The following SUPV3L1 variants were observed in gnomAD, a reference collection of about 807,000 sequenced individuals.
SUPV3L1 encodes ATP-dependent RNA helicase SUPV3L1, mitochondrial.
SUPV3L1 carries 35 observed loss-of-function variants against 70.0 expected under a neutral mutation model. The ratio of observed to expected loss-of-function variants is 0.50; its 90% CI spans 0.38 to 0.66. The LOEUF is 0.66. Ranked by LOEUF, SUPV3L1 falls within the 30% of genes least tolerant of loss-of-function variation. The pLI, the probability that SUPV3L1 is intolerant of heterozygous loss-of-function variation, is 0.00. For synonymous variants in SUPV3L1, 364 were observed against 341.9 expected, an observed-to-expected ratio of 1.06 and a Z score of -0.71; for missense variants, 777 against 961.5, an observed-to-expected ratio of 0.81 and a Z score of 2.54.
rs1842217132 is a variant in SUPV3L1, at chr10:69,186,002, T to C, written c.287T>C (p.Val96Ala). 2 of 1,613,198 alleles carry C rather than the reference T, an allele frequency of 1.2e-6. No homozygotes were observed. The highest frequency in any genetic ancestry group is 2.7e-5 in the African/African-American group (2 of 74,822). The change falls in exon 2 of 15, where the codon GTC becomes GCC. Residue 96 changes from valine to alanine, a missense_variant. Physicochemically the swap from Val to Ala is moderately conservative, Grantham distance 64. Transcript: ENST00000359655. ...RPLDKNEVKKVLDKFYKRKEI... is the reference protein window; with the variant it reads ...RPLDKNEVKKALDKFYKRKEI... ...TCTCTTCTAGATGAAGTAAAGAAGG[T>C]CTTAGACAAATTTTACAAGAGGAAA... is the stretch of plus-strand genomic sequence containing the variant.
intron 1 of SUPV3L1, among the ~76,000 whole-genome samples, chr10:69,184,326 C>T (rs913494399): frequency 9.9e-5 from 15 of 152,008 alleles, no homozygotes; most frequent in Admixed American, 5.2e-4. Context: ...GTCAGGAGTT[C>T]GAGACCGGCC....
At position 69,195,225 on chromosome 10, in the gene SUPV3L1, A is replaced by C. The variant is rs1407130554; in HGVS notation, c.891A>C (p.Arg297Ser). 1.2e-6 allele frequency: 2 copies of C among 1,613,394 alleles called. No homozygotes were observed. Among genetic ancestry groups the C allele is most frequent in the African/African-American group, 2.7e-5 (2 of 74,982 alleles). ...TAATTGATGAAATTCAAATGATTAG[A>C]GATCCAGCCAGAGGATGGGCCTGGA... is the stretch of plus-strand genomic sequence containing the variant. Reference protein sequence around the residue: ...VAVIDEIQMIRDPARGWAWTR... With the variant: ...VAVIDEIQMISDPARGWAWTR... Residue 297 changes from arginine to serine, a missense_variant, in exon 7 of 15, where the codon AGA (arginine) becomes AGC (serine). Physicochemically the swap from Arg to Ser is moderately radical, Grantham distance 110. Coordinates refer to ENST00000359655, the MANE Select transcript of SUPV3L1 (RefSeq NM_003171.5).
rs1842236009 is a variant in SUPV3L1, at chr10:69,186,461, C to G, written c.368C>G (p.Ala123Gly). Residue 123 changes from alanine (A) to glycine (G), a missense_variant, in exon 3 of 15, where the codon GCT (alanine) becomes GGT (glycine). Transcript: ENST00000359655. Reference protein sequence around the residue: ...YGLDARLFHQAFISFRNYIMQ... With the variant: ...YGLDARLFHQGFISFRNYIMQ... ...TCTACAGCTCGTCTCTTCCACCAAG[C>G]TTTCATAAGCTTTAGAAATTATATT... 6.2e-7 allele frequency: 1 copy of G among 1,613,520 alleles called. No individual in the cohort carries two copies. Among genetic ancestry groups the G allele is most frequent in the East Asian group, 2.2e-5 (1 of 44,872 alleles).
chr10:69,202,774 A>AAG, intron 12 of SUPV3L1, 93 bp from the exon 13 acceptor site: 1 of 1,332,506 alleles, frequency 7.5e-7, no homozygotes. Flanking sequence ...TTCTGGATTA[A>AAG]AGAGATTGTC....
chr10:69,208,524 G>A, intron 14 of SUPV3L1, 76 bp from the exon 15 acceptor site: 2 of 1,389,070 alleles, frequency 1.4e-6, no homozygotes, highest in Non-Finnish European at 2.0e-6. Context: ...ATGTCATGAT[G>A]TAGGTGTGCC....
chr10:69,197,072 G>A lies in SUPV3L1; in HGVS notation c.1012G>A (p.Glu338Lys). The change falls in exon 8 of 15, where the codon GAG becomes AAG. Residue 338 changes from glutamate to lysine, a missense_variant. By Grantham distance (56) the Glu-to-Lys change is moderately conservative (BLOSUM62 1). Around this residue, in one of 2 missense-constraint regions of SUPV3L1, gnomAD observed 619 missense variants for 823.3 expected, o/e 0.75. Transcript: ENST00000359655. ...GATGGAGCTTATGTACACAACGGGGGAGGAAGTGGAGGTATTCGATTAGAT... is the reference window on the plus strand; with the variant it reads ...GATGGAGCTTATGTACACAACGGGGAAGGAAGTGGAGGTATTCGATTAGAT... ...LVMELMYTTGEEVEVRDYKRL... is the reference protein window; with the variant it reads ...LVMELMYTTGKEVEVRDYKRL... The A allele has an allele frequency of 6.2e-7, 1 of 1,614,056 alleles. No individual in the cohort carries two copies. The highest frequency in any genetic ancestry group is 8.5e-7 in the Non-Finnish European group (1 of 1,179,946).
At position 69,191,774 on chromosome 10, in the gene SUPV3L1, T is replaced by C; in HGVS notation, c.853+8T>C. 3 of 1,598,760 alleles carry C rather than the reference T, an allele frequency of 1.9e-6. No individual in the cohort carries two copies. The highest frequency in any genetic ancestry group is 1.1e-5 in the South Asian group (1 of 89,962). The stretch of plus-strand genomic sequence containing the variant: ...GCAGTGTTACAACTCCTTGTATGTA[T>C]ATGCTGTTTAAGAAACTATGGTTTG... On this transcript the variant is annotated splice_region_variant and intron_variant, in intron 6 of 14. Transcript: ENST00000359655.
At chr10:69,201,059 G>A (rs1409288078) in intron 11 of SUPV3L1, among the ~76,000 whole-genome samples, 1 of 152,182 alleles carries the variant, frequency 6.6e-6, no homozygotes, top group Admixed American at 6.5e-5. Flanking sequence ...TGTGACACTA[G>A]ATGAAGGGGA....
At chr10:69,180,646 C>G in intron 1 of SUPV3L1, 84 bp downstream of exon 1, 1 of 1,527,970 alleles carries the variant, frequency 6.5e-7, no homozygotes, top group Non-Finnish European at 8.8e-7. Flanking sequence ...TCCCCTTCCC[C>G]TGGGGATCCG....
intron 13 of SUPV3L1, among the ~76,000 whole-genome samples, chr10:69,205,832 G>C (rs1842812421): frequency 1.3e-5 from 2 of 152,204 alleles, no homozygotes; most frequent in Admixed American, 1.3e-4. Flanking sequence ...ACCACACCCG[G>C]CCGCTCCGTG....
chr10:69,183,414 C>G (rs984881073), intron 1 of SUPV3L1, among the ~76,000 whole-genome samples: 7 of 152,190 alleles, frequency 4.6e-5, no homozygotes, highest in African/African-American at 1.4e-4. Context: ...CGCAGTGTCT[C>G]GTGCCTGCAA....
Position 69,198,479 on chromosome 10 carries a change from T to C in SUPV3L1, c.1131T>C (p.Asp377=), listed in dbSNP as rs765772091. Residue 377 remains aspartate (D), a synonymous_variant, in exon 9 of 15, where the codon GAT becomes GAC. Coordinates refer to ENST00000359655, the MANE Select transcript of SUPV3L1 (RefSeq NM_003171.5). The stretch of plus-strand genomic sequence containing the variant: ...GCATTGTCTGTTTTAGCAAGAATGA[T>C]ATTTATTCTGTGAGTCGGCAGATTG... ...GDCIVCFSKN[D]IYSVSRQIEI... is the part of the protein sequence containing the mutation. 1 of 1,614,124 alleles carries C rather than the reference T, an allele frequency of 6.2e-7. No individual in the cohort carries two copies. The highest frequency in any genetic ancestry group is 8.5e-7 in the Non-Finnish European group (1 of 1,180,006).
chr10:69,193,792 A>G (rs1842464701), intron 6 of SUPV3L1, among the ~76,000 whole-genome samples: 1 of 152,194 alleles, frequency 6.6e-6, no homozygotes, highest in South Asian at 2.1e-4. Context: ...GTATTTTTAA[A>G]TGTTCTCTTT....
intron 3 of SUPV3L1, 92 bp from the exon 4 acceptor site, chr10:69,187,550 G>T: frequency 2.3e-6 from 2 of 878,140 alleles, no homozygotes; most frequent in East Asian, 5.5e-5. Context: ...CAGTGCCCCC[G>T]CAACTTAGCT....
chr10:69,186,110 G>T (rs185838899), intron 2 of SUPV3L1, 46 bp downstream of exon 2: 79 of 1,523,108 alleles, frequency 5.2e-5, no homozygotes, highest in Admixed American at 1.4e-4. Flanking sequence ...TACCTCTTAC[G>T]GTACAGCTTG....
chr10:69,198,364 T>C lies in SUPV3L1; in HGVS notation c.1024-8T>C, dbSNP rs188712571. ...GTGTCATTTTGCCATTTCATGTCTT[T>C]ATTGTAGGTTCGAGACTATAAGAGG... On this transcript the variant is annotated splice_polypyrimidine_tract_variant and splice_region_variant and intron_variant, in intron 8 of 14. Transcript: ENST00000359655. 5.9e-5 allele frequency: 93 copies of C among 1,578,428 alleles called. 2 individuals carry two copies. The Middle Eastern group carries it at 1.8e-3, about 31-fold the overall frequency.
rs1003836741 is a variant in SUPV3L1 at position 69,198,286 on chromosome 10, A to C, written c.1024-86A>C. On this transcript the variant is annotated intron_variant, in intron 8 of 14. Transcript: ENST00000359655. The stretch of plus-strand genomic sequence containing the variant: ...ACTTATCAGTTTTTAGCTACTCTTA[A>C]CTGCATTACAATCTTTTCACTTAAT... 5 of 1,257,432 alleles carry C rather than the reference A, an allele frequency of 4.0e-6. No homozygotes were observed. The African/African-American group carries it at 6.1e-5, about 15-fold the overall frequency. The allele number at this position is 1,257,432 out of a possible 1,614,324, so 77.9% of individuals were successfully genotyped here. A position where few individuals can be genotyped will look rare whatever the true frequency, so the allele number is the denominator to read the frequency against.
At chr10:69,195,807 G>A (rs916949235) in intron 7 of SUPV3L1, among the ~76,000 whole-genome samples, 5 of 152,094 alleles carry the variant, frequency 3.3e-5, no homozygotes, top group Middle Eastern at 3.2e-3. Flanking sequence ...TGATGGCGCA[G>A]TTGTGGCTCA....
intron 8 of SUPV3L1, 59 bp from the exon 9 acceptor site, chr10:69,198,313 A>G (rs892687447): frequency 4.8e-6 from 7 of 1,470,614 alleles, no homozygotes; most frequent in African/African-American, 4.3e-5. Flanking sequence ...TCACTTAATT[A>G]CTAGTCACAA....
Sources: allele counts gnomAD v4.1 joint callset (sites outside exome capture counted in the v4.1 genomes callset), GRCh38; gene constraint gnomAD v4.1.1; regional missense constraint gnomAD v4.1.1; transcripts MANE v1.5; gene names NCBI Gene and HGNC (gene_info 2026-07-23, HGNC 2026-07-21).